Variants in TTC12 observed in about 807,000 individuals in gnomAD.
TTC12 encodes tetratricopeptide repeat protein 12.
In TTC12, 70 loss-of-function variants were observed where a neutral mutation model predicts 90.1. That is an observed-to-expected ratio of 0.78 (90% CI 0.64 to 0.95). The LOEUF (loss-of-function observed/expected upper bound fraction) is 0.95, where lower values mean the gene tolerates loss of function less well. Ranked by LOEUF, TTC12 falls within the 40% of genes least tolerant of loss-of-function variation. The pLI is 0.00. For missense variants in TTC12, 819 were observed against 846.1 expected (o/e 0.97, Z 0.40); for synonymous variants, 296 against 311.5 (o/e 0.95, Z 0.53).
intron 16 of TTC12, among the ~76,000 whole-genome samples, chr11:113,355,386 T>C (rs1203386281): frequency 6.6e-5 from 10 of 152,124 alleles, no homozygotes; most frequent in African/African-American, 2.2e-4. Context: ...TCTATTTTAT[T>C]AATTTTTCAA....
intron 2 of TTC12, among the ~76,000 whole-genome samples, chr11:113,322,557 CTG>C (rs1480383716): frequency 6.6e-6 from 1 of 152,140 alleles, no homozygotes; most frequent in Non-Finnish European, 1.5e-5. Context: ...AGATTGCAAA[CTG>C]TTAAAAGTCA....
At chr11:113,322,874 G>A (rs1236350138) in intron 2 of TTC12, among the ~76,000 whole-genome samples, 3 of 152,048 alleles carry the variant, frequency 2.0e-5, no homozygotes, top group Non-Finnish European at 4.4e-5. Flanking sequence ...TAGGGTTAAG[G>A]GCTGCTGTTT....
intron 7 of TTC12, among the ~76,000 whole-genome samples, chr11:113,334,613 A>G (rs1366460109): frequency 1.3e-5 from 2 of 151,750 alleles, no homozygotes; most frequent in Non-Finnish European, 2.9e-5. Context: ...AATGTAATTG[A>G]CATGGGGTGC....
At chr11:113,336,624 T>C (rs1591555821) in intron 8 of TTC12, among the ~76,000 whole-genome samples, 1 of 152,198 alleles carries the variant, frequency 6.6e-6, no homozygotes, top group Admixed American at 6.5e-5. Flanking sequence ...CCATTACCAT[T>C]GAGTGATTTT....
In TTC12 at chr11:113,320,421, C is replaced by T. The variant is rs76718317; in HGVS notation, c.59-2867C>T. Among the ~76,000 whole-genome samples, 1,418 of 152,150 alleles carry T rather than the reference C, an allele frequency of 9.3e-3. 28 individuals are homozygous for T. The highest frequency in any genetic ancestry group is 0.032 in the African/African-American group (1,325 of 41,504). ...AGAGAAAAGAGGAGGAATGTCTGAA[C>T]GCCGAGAGGAGTTTGGCTGGGAGCA... On this transcript the variant is annotated intron_variant, in intron 2 of 21. Coordinates refer to ENST00000529221, the MANE Select transcript of TTC12 (RefSeq NM_017868.4).
chr11:113,330,915 T>C (rs942888739), intron 7 of TTC12, among the ~76,000 whole-genome samples: 7 of 152,198 alleles, frequency 4.6e-5, no homozygotes, highest in African/African-American at 1.7e-4. Flanking sequence ...GCCAGGTTTA[T>C]CCTGTGGCTT....
At position 113,366,285 on chromosome 11, in the gene TTC12, C is replaced by T. The variant is rs1176745357; in HGVS notation, c.2103C>T (p.Tyr701=). 13 of 1,613,586 alleles carry T rather than the reference C, an allele frequency of 8.1e-6. No individual in the cohort carries two copies. Among genetic ancestry groups the T allele is most frequent in the South Asian group, 2.2e-5 (2 of 91,084 alleles). ...AAATTCTCAACTCTACGATGAAATA[C>T]ATCAGTGATTCTTGAGAGAGACAGG... The part of the protein sequence containing the change: ...GLEILNSTMK[Y]ISDS Residue 701 remains tyrosine, a synonymous_variant, in exon 22 of 22, where the codon TAC becomes TAT. Transcript: ENST00000529221.
At chr11:113,343,560 T>C (rs1327645005) in intron 12 of TTC12, among the ~76,000 whole-genome samples, 3 of 152,050 alleles carry the variant, frequency 2.0e-5, no homozygotes, top group African/African-American at 4.8e-5. Context: ...TGTGTGTAAA[T>C]GGGTAATCAG....
intron 16 of TTC12, among the ~76,000 whole-genome samples, chr11:113,357,661 C>G (rs561025973): frequency 6.6e-6 from 1 of 152,244 alleles, no homozygotes; most frequent in African/African-American, 2.4e-5. Flanking sequence ...AAGGTGGCTT[C>G]AGCTGACTGG....
At chr11:113,315,484 G>C (rs1701649989) in intron 1 of TTC12, among the ~76,000 whole-genome samples, 1 of 152,206 alleles carries the variant, frequency 6.6e-6, no homozygotes, top group South Asian at 2.1e-4. Context: ...CCTGGAAAGT[G>C]TTTAAAATCT....
intron 13 of TTC12, among the ~76,000 whole-genome samples, chr11:113,347,260 T>C (rs568129164): frequency 1.3e-5 from 2 of 152,232 alleles, no homozygotes; most frequent in South Asian, 4.1e-4. Flanking sequence ...TTCCTGAAGA[T>C]GTTAGGGATT....
At chr11:113,329,613 G>T (rs1555142027) in intron 6 of TTC12, 1 of 505,780 alleles carries the variant, frequency 2.0e-6, no homozygotes, top group Admixed American at 2.3e-5. Flanking sequence ...TTTGTTCATT[G>T]CTCCCTCCTT....
intron 2 of TTC12, among the ~76,000 whole-genome samples, chr11:113,321,020 A>C (rs1565569255): frequency 6.6e-6 from 1 of 152,220 alleles, no homozygotes; most frequent in African/African-American, 2.4e-5. Flanking sequence ...TTAAAAAAAA[A>C]AGAATTTTTT....
chr11:113,343,135 A>G (rs1555146737), intron 12 of TTC12, among the ~76,000 whole-genome samples: 1 of 152,212 alleles, frequency 6.6e-6, no homozygotes, highest in African/African-American at 2.4e-5. Flanking sequence ...AAGGACATGA[A>G]AATATGTCAG....
intron 16 of TTC12, among the ~76,000 whole-genome samples, chr11:113,356,434 C>CGT (rs1949641467): frequency 1.3e-5 from 2 of 152,188 alleles, no homozygotes; most frequent in South Asian, 4.1e-4. Flanking sequence ...CAATTTGGCT[C>CGT]ATTTACATTC....
rs151054404 is a variant in TTC12, at chr11:113,342,181, C to T, written c.985+256C>T. Among the ~76,000 whole-genome samples, 9 of 152,330 alleles carry T rather than the reference C, an allele frequency of 5.9e-5. No homozygotes were observed. In the East Asian group the frequency reaches 1.5e-3, roughly 26 times the overall value. ...CCTCTCCTCCTGCTCTTTGCAGACT[C>T]ATGACTTCTGTTCATGCACTGGCAA... is the stretch of plus-strand genomic sequence containing the variant. On this transcript the variant is annotated intron_variant, in intron 12 of 21. Transcript: ENST00000529221.
chr11:113,334,983 A>G lies in TTC12; in HGVS notation c.522A>G (p.Thr174=), dbSNP rs782815786. 1.2e-6 allele frequency: 2 copies of G among 1,613,910 alleles called. No individual in the cohort carries two copies. The highest frequency in any genetic ancestry group is 3.3e-5 in the Admixed American group (2 of 60,020). The change falls in exon 8 of 22, where the codon ACA becomes ACG. Residue 174 remains threonine (T), a synonymous_variant. Transcript: ENST00000529221. ...TTATGCAGTGTGATGAAAAATGCAC[A>G]AAAGCATATTTTCACATGGGAAAAG... is the stretch of plus-strand genomic sequence containing the variant. ...EWALKCDEKC[T]KAYFHMGKAN... is the part of the protein sequence containing the mutation.
In TTC12 at chr11:113,366,209, G is replaced by A; in HGVS notation, c.2043-16G>A. 1 of 1,611,988 alleles carries A rather than the reference G, an allele frequency of 6.2e-7. No individual in the cohort carries two copies. The highest frequency in any genetic ancestry group is 8.5e-7 in the Non-Finnish European group (1 of 1,179,990). On this transcript the variant is annotated splice_polypyrimidine_tract_variant and intron_variant, in intron 21 of 21. Transcript: ENST00000529221. Reference sequence around the variant, plus strand: ...GTGGCACTTATGCCCTGGGTTGTTTGTTTTGATTGTGACAGATTTGCTGCT... The same window carrying A: ...GTGGCACTTATGCCCTGGGTTGTTTATTTTGATTGTGACAGATTTGCTGCT...
At chr11:113,324,993 C>G (rs1374234106) in intron 5 of TTC12, among the ~76,000 whole-genome samples, 1 of 151,996 alleles carries the variant, frequency 6.6e-6, no homozygotes, top group East Asian at 1.9e-4. Flanking sequence ...GAGTGAGCTG[C>G]CACTGGCTAG....
Sources: gnomAD v4.1 joint callset for allele counts (sites outside exome capture counted in the v4.1 genomes callset) on GRCh38, gnomAD v4.1.1 for gene constraint, MANE v1.5 for transcripts, NCBI Gene and HGNC (gene_info 2026-07-23, HGNC 2026-07-21) for gene names.